The following COG6 variants were observed in gnomAD, a reference collection of about 807,000 sequenced individuals.
COG6 encodes the protein component of oligomeric golgi complex 6.
In COG6, 74 loss-of-function variants were observed where a neutral mutation model predicts 88.8. That is an observed-to-expected ratio of 0.83 (90% CI 0.69 to 1.01). COG6 has a LOEUF of 1.01. Ranked by LOEUF, COG6 falls within the 50% of genes least tolerant of loss-of-function variation. The pLI is 0.00. For synonymous variants in COG6, 286 were observed against 278.7 expected (o/e 1.03, Z -0.26); for missense variants, 800 against 797.9 (o/e 1.00, Z -0.03).
At chr13:39,746,239 A>T (rs547571492) in intron 18 of COG6, among the ~76,000 whole-genome samples, 73 of 152,200 alleles carry the variant, frequency 4.8e-4, no homozygotes, top group Non-Finnish European at 9.9e-4. Flanking sequence ...TCATTAAAAA[A>T]AAAAAAAGTT....
At position 39,729,413 on chromosome 13, in the gene COG6, T is replaced by C. The variant is rs571076118; in HGVS notation, c.1826+1865T>C. 2.2e-4 allele frequency among the ~76,000 whole-genome samples: 34 copies of C among 152,336 alleles called. No homozygotes were observed. In the South Asian group the frequency reaches 6.8e-3, roughly 31 times the overall value. On this transcript the variant is annotated intron_variant, in intron 18 of 18. Transcript: ENST00000455146. ...GATGGACAGATTTGGCTCTGTAACA[T>C]TTTAAGGTTTTTACAGAAAAAGATA...
chr13:39,687,029 T>G (rs1305917297), intron 8 of COG6, among the ~76,000 whole-genome samples: 1 of 152,080 alleles, frequency 6.6e-6, no homozygotes, highest in Admixed American at 6.6e-5. Context: ...GCACCCAGCC[T>G]TGGATTTGCA....
At chr13:39,789,399 G>A (rs888333232) in exon 19 of COG6, 2 of 152,104 alleles carry the variant, frequency 1.3e-5, no homozygotes, top group Admixed American at 6.6e-5. Flanking sequence ...ATTTCTCTTC[G>A]AAGAATCAAT....
At position 39,772,228 on chromosome 13, in the gene COG6, T is replaced by C. The variant is rs562879119; in HGVS notation, c.1827-16107T>C. ...TCCAGTTTTGCTTAACCTCTTACAG[T>C]AGTTGTCAAACTTTTCCTGATTTCC... On this transcript the variant is annotated intron_variant, in intron 18 of 18. Coordinates refer to the COG6 transcript ENST00000416691. Among the ~76,000 whole-genome samples the C allele has an allele frequency of 2.6e-5, 4 of 152,330 alleles. No homozygotes were observed. The East Asian group carries it at 7.7e-4, about 29-fold the overall frequency.
chr13:39,790,396 A>C (rs1364450007), exon 19 of COG6: 1 of 152,122 alleles, frequency 6.6e-6, no homozygotes, highest in Admixed American at 6.5e-5. Context: ...TTTTCTACTT[A>C]TTATTATTTC....
At chr13:39,665,764 C>T (rs1336219695) in intron 4 of COG6, among the ~76,000 whole-genome samples, 2 of 152,204 alleles carry the variant, frequency 1.3e-5, no homozygotes, top group Non-Finnish European at 2.9e-5. Context: ...GTATACTTGT[C>T]TCCTGCTCAG....
At chr13:39,759,738 C>G (rs1029231368) in intron 18 of COG6, among the ~76,000 whole-genome samples, 1 of 152,110 alleles carries the variant, frequency 6.6e-6, no homozygotes, top group Non-Finnish European at 1.5e-5. Flanking sequence ...AGATTAATAA[C>G]AGCATATTAG....
chr13:39,770,039 C>A (rs1278777940), intron 18 of COG6, among the ~76,000 whole-genome samples: 1 of 152,196 alleles, frequency 6.6e-6, no homozygotes, highest in Admixed American at 6.5e-5. Flanking sequence ...CTGTTGAACT[C>A]TTTACCTTAT....
At chr13:39,699,465 T>C in intron 12 of COG6, 36 bp from the exon 13 acceptor site, 1 of 1,000,720 alleles carries the variant, frequency 1.0e-6, no homozygotes. Flanking sequence ...TTGTTTCAGT[T>C]TCTGTTTTGC....
At chr13:39,680,542 A>G (rs749335404) in intron 7 of COG6, among the ~76,000 whole-genome samples, 2 of 152,226 alleles carry the variant, frequency 1.3e-5, no homozygotes, top group Non-Finnish European at 2.9e-5. Context: ...TGTGGTTCTC[A>G]CTATGCTAAA....
chr13:39,737,949 G>C (rs1206629525), intron 18 of COG6, among the ~76,000 whole-genome samples: 3 of 152,084 alleles, frequency 2.0e-5, no homozygotes, highest in South Asian at 2.1e-4. Context: ...CTAAATTCCA[G>C]TGCTACGTCC....
chr13:39,779,641 C>CA (rs1881569788), intron 18 of COG6, among the ~76,000 whole-genome samples: 1 of 152,204 alleles, frequency 6.6e-6, no homozygotes, highest in African/African-American at 2.4e-5. Flanking sequence ...CAGCTGCAGG[C>CA]ATGAGGAGCA....
At chr13:39,779,371 C>T (rs1881561107) in intron 18 of COG6, among the ~76,000 whole-genome samples, 1 of 152,228 alleles carries the variant, frequency 6.6e-6, no homozygotes, top group South Asian at 2.1e-4. Context: ...TTAAATCGAT[C>T]ATTCCTATAA....
chr13:39,687,481 T>G (rs1224372119), intron 8 of COG6, 22 bp from the exon 9 acceptor site: 1 of 1,608,984 alleles, frequency 6.2e-7, no homozygotes, highest in Non-Finnish European at 8.5e-7. Context: ...CAACCATTTT[T>G]TATATAACTT....
Position 39,677,599 on chromosome 13 carries a change from T to C in COG6, c.540+20T>C. 7.0e-7 allele frequency: 1 copy of C among 1,433,992 alleles called. No homozygotes were observed. Among genetic ancestry groups the C allele is most frequent in the Non-Finnish European group, 9.8e-7 (1 of 1,019,696 alleles). The allele number at this position is 1,433,992 out of a possible 1,614,324, so 88.8% of individuals were successfully genotyped here. ...ACTGAGGTATCCTGGCTTTCTGTTATAATCATTTAAAGTTTAGTAGTTACA... is the reference window on the plus strand; with the variant it reads ...ACTGAGGTATCCTGGCTTTCTGTTACAATCATTTAAAGTTTAGTAGTTACA... On this transcript the variant is annotated intron_variant, in intron 5 of 18. Coordinates refer to ENST00000455146, the MANE Select transcript of COG6 (RefSeq NM_020751.3).
rs528868591 is a variant in COG6 at position 39,728,225 on chromosome 13, G to A, written c.1826+677G>A. Among the ~76,000 whole-genome samples the A allele has an allele frequency of 1.1e-4, 17 of 152,112 alleles. No individual in the cohort carries two copies. The East Asian group carries it at 1.9e-3, about 17-fold the overall frequency. ...TAAAAGACATTTGCACTGTTTTCAC[G>A]GAGCTTATAACCTAATAGGTCAGTT... On this transcript the variant is annotated intron_variant, in intron 18 of 18. Coordinates refer to ENST00000455146, the MANE Select transcript of COG6 (RefSeq NM_020751.3).
intron 18 of COG6, among the ~76,000 whole-genome samples, chr13:39,735,655 A>G (rs1879698368): frequency 6.7e-6 from 1 of 149,568 alleles, no homozygotes; most frequent in Non-Finnish European, 1.5e-5. Context: ...TTTCAGATTG[A>G]AGAACTCTCT....
chr13:39,655,713 G>A lies in COG6; in HGVS notation c.-14G>A. On this transcript the variant is annotated 5_prime_UTR_variant, in exon 1 of 19. Transcript: ENST00000455146. ...CTGGCTGAGGTGGCAGCAGGGGGCG[G>A]GACGCGCAGCGCTATGGCAGAGGGC... is the stretch of plus-strand genomic sequence containing the variant. 1 of 1,585,576 alleles carries A rather than the reference G, an allele frequency of 6.3e-7. No individual in the cohort carries two copies. The highest frequency in any genetic ancestry group is 8.6e-7 in the Non-Finnish European group (1 of 1,165,002).
At chr13:39,707,519 C>T (rs1472941700) in intron 13 of COG6, among the ~76,000 whole-genome samples, 10 of 152,162 alleles carry the variant, frequency 6.6e-5, no homozygotes, top group African/African-American at 2.2e-4. Context: ...AGCTATCACC[C>T]AGATAAGATA....
Sources: allele counts gnomAD v4.1 joint callset (sites outside exome capture counted in the v4.1 genomes callset), GRCh38; gene constraint gnomAD v4.1.1; transcripts MANE v1.5; gene names NCBI Gene and HGNC (gene_info 2026-07-23, HGNC 2026-07-21).